The following HYDIN variants were observed in gnomAD, a reference collection of about 807,000 sequenced individuals.
HYDIN encodes axonemal central pair apparatus protein HYDIN.
In HYDIN, 132 loss-of-function variants were observed where a neutral mutation model predicts 403.9. The ratio of observed to expected loss-of-function variants is 0.33; its 90% CI spans 0.28 to 0.38. HYDIN has a LOEUF of 0.38. Ranked by LOEUF, HYDIN falls within the 10% of genes least tolerant of loss-of-function variation. The pLI is 1.00. For missense variants in HYDIN, 2,827 were observed against 5,009.5 expected (o/e 0.56, Z 13.15); for synonymous variants, 1,202 against 1,891.7 (o/e 0.64, Z 9.46).
chr16:70,831,515 AAAAAAAAAAAAACC>A (rs2036987260), intron 80 of HYDIN, among the ~76,000 whole-genome samples: 2 of 147,286 alleles, frequency 1.4e-5, no homozygotes, highest in Admixed American at 1.3e-4. Context: ...TCTCAGAAAA[AAAAAAAAAAAAACC>A]AAAAAAAAAA....
intron 1 of HYDIN, among the ~76,000 whole-genome samples, chr16:71,205,169 C>CCA (rs1567450185): frequency 6.6e-6 from 1 of 152,166 alleles, no homozygotes; most frequent in African/African-American, 2.4e-5. Flanking sequence ...CTCATGTGTG[C>CCA]CACTCTCAGA....
chr16:70,914,445 G>C (rs2076782161), intron 47 of HYDIN, among the ~76,000 whole-genome samples: 1 of 150,406 alleles, frequency 6.6e-6, no homozygotes, highest in African/African-American at 2.4e-5. Context: ...TCTTTTGTTT[G>C]AGGAGTCTGA....
At chr16:71,078,929 C>T (rs1243217717) in intron 13 of HYDIN, among the ~76,000 whole-genome samples, 1 of 152,150 alleles carries the variant, frequency 6.6e-6, no homozygotes, top group Non-Finnish European at 1.5e-5. Flanking sequence ...ATGTGGCCAA[C>T]AAGAATGAGG....
chr16:71,018,857 T>C (rs1242229506), intron 22 of HYDIN, among the ~76,000 whole-genome samples: 3 of 146,742 alleles, frequency 2.0e-5, no homozygotes, highest in Admixed American at 1.4e-4. Flanking sequence ...GAAATGCCCT[T>C]AGGCAAGTGG....
intron 5 of HYDIN, among the ~76,000 whole-genome samples, chr16:71,167,754 T>A (rs2086290086): frequency 6.6e-6 from 1 of 151,872 alleles, no homozygotes; most frequent in African/African-American, 2.4e-5. Flanking sequence ...CTATATTAGA[T>A]CATACATCAT....
chr16:70,885,858 C>T (rs1480469470), intron 58 of HYDIN, among the ~76,000 whole-genome samples: 4 of 151,984 alleles, frequency 2.6e-5, no homozygotes, highest in African/African-American at 9.7e-5. Context: ...GACATAAAAA[C>T]CAACATGTAG....
At chr16:70,865,507 C>T (rs1567729274) in intron 67 of HYDIN, 1 of 391,316 alleles carries the variant, frequency 2.6e-6, no homozygotes, top group Non-Finnish European at 5.2e-6. Context: ...TTCTCCTTCT[C>T]AAAGATGAAT....
In HYDIN at chr16:71,064,744, A is replaced by G; in HGVS notation, c.2172T>C (p.Asn724=). The change falls in exon 16 of 86, where the codon AAT becomes AAC. Residue 724 remains asparagine, a synonymous_variant. Coordinates refer to ENST00000393567, the MANE Select transcript of HYDIN (RefSeq NM_001270974.2). The part of the protein sequence containing the change: ...YPYEKTLQLA[N]QDDLPGFYEV... ...CATAGAATCCTGGGAGGTCATCTTG[A>G]TTGGCAAGCTGGAGTGTTTTCTCAT... The G allele has an allele frequency of 6.2e-7, 1 of 1,614,096 alleles. No individual in the cohort carries two copies. The highest frequency in any genetic ancestry group is 8.5e-7 in the Non-Finnish European group (1 of 1,180,006).
chr16:70,834,025 G>T lies in HYDIN; in HGVS notation c.13541C>A (p.Pro4514His). 1 of 1,605,610 alleles carries T rather than the reference G, an allele frequency of 6.2e-7. No individual in the cohort carries two copies. The highest frequency in any genetic ancestry group is 8.5e-7 in the Non-Finnish European group (1 of 1,173,724). Reference sequence around the variant, plus strand: ...GCAGCAGCCGCTAAGGAGGAAGAGGGGGCGCAGGAGCCCCATGCATTCCAT... The same window carrying T: ...GCAGCAGCCGCTAAGGAGGAAGAGGTGGCGCAGGAGCCCCATGCATTCCAT... ...VFMECMGLLR[P>H]LFLLSGCCQA... is the part of the protein sequence containing the mutation. The change falls in exon 79 of 86, where the codon CCC becomes CAC. Residue 4514 changes from proline (P) to histidine (H), a missense_variant. Coordinates refer to ENST00000393567, the MANE Select transcript of HYDIN (RefSeq NM_001270974.2).
chr16:70,866,640 C>T (rs796571351), intron 66 of HYDIN, among the ~76,000 whole-genome samples: 57 of 150,600 alleles, frequency 3.8e-4, no homozygotes, highest in African/African-American at 1.2e-3. Flanking sequence ...AACATCTTTC[C>T]GGGAGGAAAG....
chr16:71,156,168 A>T (rs1469264902), intron 6 of HYDIN, among the ~76,000 whole-genome samples: 1 of 152,032 alleles, frequency 6.6e-6, no homozygotes. Flanking sequence ...TTTACAGAAA[A>T]AGTGATACTA....
chr16:71,108,712 T>C (rs551676203), intron 10 of HYDIN, among the ~76,000 whole-genome samples: 15 of 152,122 alleles, frequency 9.9e-5, no homozygotes, highest in African/African-American at 3.4e-4. Flanking sequence ...TATTTGTCAA[T>C]TAAAAAAAAA....
chr16:71,200,344 G>C (rs1300517956), intron 1 of HYDIN, among the ~76,000 whole-genome samples: 4 of 152,098 alleles, frequency 2.6e-5, no homozygotes, highest in Admixed American at 2.6e-4. Flanking sequence ...TCTTGCACAA[G>C]ATCCCAGAAC....
chr16:71,039,432 C>T (rs1039099939), intron 18 of HYDIN, among the ~76,000 whole-genome samples: 1 of 152,120 alleles, frequency 6.6e-6, no homozygotes, highest in African/African-American at 2.4e-5. Flanking sequence ...CTGGCGAAAC[C>T]CTACCTTTAA....
intron 41 of HYDIN, among the ~76,000 whole-genome samples, chr16:70,945,408 A>T (rs941117616): frequency 6.6e-6 from 1 of 152,242 alleles, no homozygotes; most frequent in Non-Finnish European, 1.5e-5. Flanking sequence ...AAACATTTTG[A>T]GATGCCTCTA....
chr16:71,117,927 G>T (rs2084103705), intron 9 of HYDIN, among the ~76,000 whole-genome samples: 1 of 151,724 alleles, frequency 6.6e-6, no homozygotes, highest in Non-Finnish European at 1.5e-5. Flanking sequence ...GGCTTAAGGG[G>T]GAGCAGAGAG....
intron 60 of HYDIN, among the ~76,000 whole-genome samples, 184 bp downstream of exon 60, chr16:70,882,476 C>G (rs2040869171): frequency 6.6e-6 from 1 of 152,280 alleles, no homozygotes; most frequent in South Asian, 2.1e-4. Flanking sequence ...CCGGAGGAGA[C>G]ACCCACTGGG....
intron 7 of HYDIN, among the ~76,000 whole-genome samples, chr16:71,141,517 C>T (rs1385489159): frequency 6.6e-6 from 1 of 151,420 alleles, no homozygotes; most frequent in Admixed American, 6.6e-5. Flanking sequence ...ATACATGACC[C>T]ATCCAAAAAC....
At position 71,064,835 on chromosome 16, in the gene HYDIN, A is replaced by G; in HGVS notation, c.2081T>C (p.Val694Ala). 2 of 1,608,732 alleles carry G rather than the reference A, an allele frequency of 1.2e-6. No homozygotes were observed. Among genetic ancestry groups the G allele is most frequent in the South Asian group, 2.2e-5 (2 of 90,278 alleles). The change falls in exon 16 of 86, where the codon GTT (valine) becomes GCT (alanine). Residue 694 changes from valine to alanine, a missense_variant. By Grantham distance (64) the Val-to-Ala change is moderately conservative. Coordinates refer to ENST00000393567, the MANE Select transcript of HYDIN (RefSeq NM_001270974.2). ...VLALLITARC[V>A]VPALHLVNTE... ...ATTGACCAGGTGGAGGGCAGGTACA[A>G]CACACCTGCTCGGAGGAGCCCATCA... is the stretch of plus-strand genomic sequence containing the variant.
Sources: allele counts gnomAD v4.1 joint callset (sites outside exome capture counted in the v4.1 genomes callset), GRCh38; gene constraint gnomAD v4.1.1; transcripts MANE v1.5; gene names NCBI Gene and HGNC (gene_info 2026-07-23, HGNC 2026-07-21).